DIP2C: variants seen among roughly 807,000 people sequenced by gnomAD.
The protein encoded by DIP2C is disco-interacting protein 2 homolog C.
DIP2C carries 33 observed loss-of-function variants against 192.4 expected under a neutral mutation model. The ratio of observed to expected loss-of-function variants is 0.17; its 90% CI spans 0.13 to 0.23. The LOEUF is 0.23. Among genes scored for constraint, DIP2C ranks in the 10% least tolerant of loss-of-function variants. The pLI, the probability that DIP2C is intolerant of heterozygous loss-of-function variation, is 1.00. For missense variants in DIP2C, 1,537 were observed against 2,110.1 expected (o/e 0.73, Z 5.32); for synonymous variants, 979 against 864.1 (o/e 1.13, Z -2.33).
intron 1 of DIP2C, among the ~76,000 whole-genome samples, chr10:686,204 C>A (rs1831328444): frequency 6.6e-6 from 1 of 152,196 alleles, no homozygotes; most frequent in African/African-American, 2.4e-5. Flanking sequence ...CATTCCTTGA[C>A]CCTCCCCAGA....
intron 1 of DIP2C, chr10:663,636 T>C (rs554412731): frequency 6.6e-6 from 1 of 152,368 alleles, no homozygotes; most frequent in East Asian, 1.9e-4. Flanking sequence ...GATTTACGCC[T>C]GGGCAGGTTG....
At position 277,194 on chromosome 10, in the gene DIP2C, CCT is replaced by C; in HGVS notation, c.*129_*130del. 7.2e-7 allele frequency: 1 copy of C among 1,384,472 alleles called. No individual in the cohort carries two copies. Among genetic ancestry groups the C allele is most frequent in the Non-Finnish European group, 9.8e-7 (1 of 1,024,084 alleles). The allele number at this position is 1,384,472 out of a possible 1,614,324, so 85.8% of individuals were successfully genotyped here. On this transcript the variant is annotated 3_prime_UTR_variant, in exon 37 of 37. Coordinates refer to ENST00000280886, the MANE Select transcript of DIP2C (RefSeq NM_014974.3). ...TGCTGTGAGAAGTCCTCTTCCTCCT[CCT>C]CTTCCTCCTCCACTCTCACCACAAA... is the stretch of plus-strand genomic sequence containing the variant.
rs551700230 is a variant in DIP2C at position 649,058 on chromosome 10, G to T, written c.85+40436C>A. On this transcript the variant is annotated intron_variant, in intron 1 of 36. Coordinates refer to ENST00000280886, the MANE Select transcript of DIP2C (RefSeq NM_014974.3). ...GGGAAACTGAGTCCACGTCCACATT[G>T]GATGGTGGGAGAGAACATAGGGAAA... Among the ~76,000 whole-genome samples, 460 of 139,278 alleles carry T rather than the reference G, an allele frequency of 3.3e-3. 15 individuals carry two copies. The highest frequency in any genetic ancestry group is 0.01 in the Middle Eastern group (2 of 198). 91.4% of individuals were successfully genotyped at this position (139,278 alleles called of 152,430 possible).
chr10:610,060 A>G (rs1438435275), intron 1 of DIP2C, among the ~76,000 whole-genome samples: 1 of 152,214 alleles, frequency 6.6e-6, no homozygotes, highest in African/African-American at 2.4e-5. Flanking sequence ...ACAGCAGCCA[A>G]GATCCGGAAT....
chr10:460,146 T>C (rs930571547), intron 3 of DIP2C, among the ~76,000 whole-genome samples: 2 of 152,210 alleles, frequency 1.3e-5, no homozygotes, highest in Admixed American at 1.3e-4. Flanking sequence ...AACGGCATGC[T>C]GCACATGAGC....
chr10:531,846 A>C (rs1216058589), intron 1 of DIP2C, among the ~76,000 whole-genome samples: 1 of 152,240 alleles, frequency 6.6e-6, no homozygotes, highest in Non-Finnish European at 1.5e-5. Flanking sequence ...CAATGCAGGC[A>C]ACGCTTGCAA....
At chr10:486,313 A>T (rs1488451943) in intron 2 of DIP2C, 146 bp downstream of exon 2, 5 of 674,244 alleles carry the variant, frequency 7.4e-6, no homozygotes, top group Non-Finnish European at 1.0e-5. Context: ...GTGATCACTC[A>T]AAGGAACTGA....
At chr10:387,456 G>C (rs1338381311) in intron 14 of DIP2C, among the ~76,000 whole-genome samples, 1 of 151,634 alleles carries the variant, frequency 6.6e-6, no homozygotes, top group Admixed American at 6.6e-5. Flanking sequence ...GACAGACAGT[G>C]AGGGGAGGGG....
intron 1 of DIP2C, among the ~76,000 whole-genome samples, chr10:496,185 A>G (rs114495210): frequency 0.035 from 4,578 of 132,182 alleles, 126 homozygotes; most frequent in Middle Eastern, 0.11. Context: ...GTGCCCTCCC[A>G]TGTACTTAAA....
At chr10:439,460 C>G (rs1485670507) in intron 4 of DIP2C, among the ~76,000 whole-genome samples, 1 of 152,112 alleles carries the variant, frequency 6.6e-6, no homozygotes, top group African/African-American at 2.4e-5. Context: ...TCCACAAAAA[C>G]TTAAAAATTA....
At chr10:354,808 G>T (rs976994275) in intron 24 of DIP2C, among the ~76,000 whole-genome samples, 12 of 151,984 alleles carry the variant, frequency 7.9e-5, no homozygotes, top group Non-Finnish European at 1.8e-4. Context: ...CACCACGTTG[G>T]AGATGATACT....
intron 34 of DIP2C, among the ~76,000 whole-genome samples, chr10:284,381 G>C (rs1486730244): frequency 2.0e-5 from 3 of 152,120 alleles, no homozygotes; most frequent in Admixed American, 2.0e-4. Context: ...CTAACACAAA[G>C]AAAATTCTCA....
chr10:450,684 A>G (rs1209950951), intron 3 of DIP2C, among the ~76,000 whole-genome samples: 1 of 152,070 alleles, frequency 6.6e-6, no homozygotes, highest in Admixed American at 6.5e-5. Flanking sequence ...CAAGACCCCC[A>G]GGGTGACGAC....
At position 444,466 on chromosome 10, in the gene DIP2C, C is replaced by T. The variant is rs190116151; in HGVS notation, c.269-3470G>A. 2.1e-3 allele frequency among the ~76,000 whole-genome samples: 313 copies of T among 151,940 alleles called. 1 individual carries two copies. The highest frequency in any genetic ancestry group is 3.4e-3 in the Non-Finnish European group (231 of 67,970). On this transcript the variant is annotated intron_variant, in intron 3 of 36. Transcript: ENST00000280886. Reference sequence around the variant, plus strand: ...ATTCTCCATCATCACATGGAGCCCACGCCATGGTGTTCACTCAAGAGACAG... The same window carrying T: ...ATTCTCCATCATCACATGGAGCCCATGCCATGGTGTTCACTCAAGAGACAG...
At chr10:328,126 G>C (rs887768180) in intron 30 of DIP2C, among the ~76,000 whole-genome samples, 6 of 152,168 alleles carry the variant, frequency 3.9e-5, no homozygotes, top group African/African-American at 1.4e-4. Context: ...ACCGACAAGG[G>C]TCCTGAGCAA....
chr10:638,469 A>G lies in DIP2C; in HGVS notation c.85+51025T>C, dbSNP rs76462534. ...CTAACAGGAAACCAAAAGGCTTTAC[A>G]GAGAGTCAAATTATGGTGCCAATTC... is the stretch of plus-strand genomic sequence containing the variant. On this transcript the variant is annotated intron_variant, in intron 1 of 36. Coordinates refer to ENST00000280886, the MANE Select transcript of DIP2C (RefSeq NM_014974.3). Among the ~76,000 whole-genome samples, 111 of 152,342 alleles carry G rather than the reference A, an allele frequency of 7.3e-4. 5 individuals are homozygous for G. In the East Asian group the frequency reaches 0.02, roughly 27 times the overall value.
chr10:323,633 C>G (rs1474730957), intron 31 of DIP2C, among the ~76,000 whole-genome samples: 4 of 152,190 alleles, frequency 2.6e-5, no homozygotes, highest in Admixed American at 1.3e-4. Flanking sequence ...TTTTTTACAT[C>G]AAATGATTAA....
At chr10:508,626 G>A (rs992677447) in intron 1 of DIP2C, among the ~76,000 whole-genome samples, 1 of 152,138 alleles carries the variant, frequency 6.6e-6, no homozygotes, top group Non-Finnish European at 1.5e-5. Context: ...ATGGGTGAGT[G>A]GCTGATGGAC....
At chr10:650,674 G>C (rs1252263613) in intron 1 of DIP2C, 1 of 619,116 alleles carries the variant, frequency 1.6e-6, no homozygotes, top group Non-Finnish European at 2.9e-6. Flanking sequence ...AGCTGGCAAG[G>C]GGCCTCCCAG....
Sources: gnomAD v4.1 joint callset for allele counts (sites outside exome capture counted in the v4.1 genomes callset) on GRCh38, gnomAD v4.1.1 for gene constraint, MANE v1.5 for transcripts, NCBI Gene and HGNC (gene_info 2026-07-23, HGNC 2026-07-21) for gene names.